ZNF92: variants seen among roughly 807,000 people sequenced by gnomAD.
The protein encoded by ZNF92 is zinc finger protein 92.
Under a neutral mutation model 12.4 loss-of-function variants are expected in ZNF92, and 11 were observed. That is an observed-to-expected ratio of 0.89 (90% CI 0.56 to 1.47). The LOEUF is 1.47. ZNF92 is among the 40% of genes most tolerant of loss of function. The pLI, the probability that ZNF92 is intolerant of heterozygous loss-of-function variation, is 0.00. For missense variants in ZNF92, 622 were observed against 681.0 expected, an observed-to-expected ratio of 0.91 and a Z score of 0.96; for synonymous variants, 206 against 228.6, an observed-to-expected ratio of 0.90 and a Z score of 0.89.
At chr7:65,385,017 A>T (rs1323129483) in intron 1 of ZNF92, among the ~76,000 whole-genome samples, 2 of 152,136 alleles carry the variant, frequency 1.3e-5, no homozygotes, top group African/African-American at 4.8e-5. Flanking sequence ...ATACTTTAGG[A>T]TGAAGATTGG....
In ZNF92 at chr7:65,388,008, A is replaced by G. The variant is rs1298121812; in HGVS notation, c.110A>G (p.Tyr37Cys). Reference protein sequence around the residue: ...NLYRDVMLENYRNLVFLGIAV... With the variant: ...NLYRDVMLENCRNLVFLGIAV... Reference sequence around the variant, plus strand: ...TATAGAGATGTGATGTTAGAGAACTACAGAAACCTGGTCTTCCTTGGTGAG... The same window carrying G: ...TATAGAGATGTGATGTTAGAGAACTGCAGAAACCTGGTCTTCCTTGGTGAG... Residue 37 changes from tyrosine to cysteine, a missense_variant, in exon 2 of 4, where the codon TAC becomes TGC. Transcript: ENST00000328747. The G allele has an allele frequency of 6.8e-6, 11 of 1,607,302 alleles. No individual in the cohort carries two copies. The highest frequency in any genetic ancestry group is 2.7e-5 in the African/African-American group (2 of 74,626).
Position 65,399,268 on chromosome 7 carries a change from C to G in ZNF92, c.1154C>G (p.Thr385Ser). The change falls in exon 4 of 4, where the codon ACT (threonine) becomes AGT (serine). Residue 385 changes from threonine (T) to serine (S), a missense_variant. Coordinates refer to ENST00000328747, the MANE Select transcript of ZNF92 (RefSeq NM_152626.4). ...GCCTTTAACCAGTCCTCAACCCTTA[C>G]TAAACATAAAAGAATTCATACGGGA... is the stretch of plus-strand genomic sequence containing the variant. Reference protein sequence around the residue: ...GKAFNQSSTLTKHKRIHTGEK... With the variant: ...GKAFNQSSTLSKHKRIHTGEK... 3.1e-6 allele frequency: 5 copies of G among 1,610,822 alleles called. No homozygotes were observed. Among genetic ancestry groups the G allele is most frequent in the Middle Eastern group, 3.3e-4 (2 of 6,048 alleles).
At chr7:65,394,275 TG>T (rs1793794245) in intron 3 of ZNF92, among the ~76,000 whole-genome samples, 2 of 152,138 alleles carry the variant, frequency 1.3e-5, no homozygotes, top group African/African-American at 4.8e-5. Flanking sequence ...TAAGTGTTAA[TG>T]TCCAGTTTCA....
rs144227733 is a variant in ZNF92 at position 65,399,823 on chromosome 7, G to T, written c.1709G>T (p.Gly570Val). The T allele has an allele frequency of 6.8e-6, 11 of 1,606,382 alleles. No homozygotes were observed. The highest frequency in any genetic ancestry group is 9.3e-6 in the Non-Finnish European group (11 of 1,176,898). ...TGEKPCKHECGRAFNKSSNYT... is the reference protein window; with the variant it reads ...TGEKPCKHECVRAFNKSSNYT... The stretch of plus-strand genomic sequence containing the variant: ...GAGAAACCCTGCAAACATGAATGTG[G>T]CAGAGCCTTTAACAAATCCTCAAAT... Residue 570 changes from glycine (G) to valine (V), a missense_variant, in exon 4 of 4, where the codon GGC (glycine) becomes GTC (valine). Physicochemically the swap from Gly to Val is moderately radical, Grantham distance 109 (BLOSUM62 -3). Transcript: ENST00000328747.
chr7:65,392,363 A>G (rs1294928408), intron 3 of ZNF92, among the ~76,000 whole-genome samples: 10 of 140,654 alleles, frequency 7.1e-5, no homozygotes, highest in Admixed American at 5.0e-4. Context: ...TTGTAATTCT[A>G]TTTTTTTTTT....
chr7:65,381,154 G>A lies in ZNF92; in HGVS notation c.4-6748G>A, dbSNP rs184826059. ...GCCTCCCAAGTAGCTGGGATTACAGGCACGCCCCACCATGCCTGACTAATT... is the reference window on the plus strand; with the variant it reads ...GCCTCCCAAGTAGCTGGGATTACAGACACGCCCCACCATGCCTGACTAATT... On this transcript the variant is annotated intron_variant, in intron 1 of 3. Transcript: ENST00000328747. Among the ~76,000 whole-genome samples the A allele has an allele frequency of 2.6e-4, 40 of 152,034 alleles. No homozygotes were observed. The East Asian group carries it at 4.8e-3, about 18-fold the overall frequency.
At chr7:65,385,794 T>C (rs1278151472) in intron 1 of ZNF92, among the ~76,000 whole-genome samples, 1 of 151,922 alleles carries the variant, frequency 6.6e-6, no homozygotes, top group African/African-American at 2.4e-5. Context: ...AGGTGTAATT[T>C]CTCCAGAGAA....
At chr7:65,378,126 C>T (rs375888214) in intron 1 of ZNF92, among the ~76,000 whole-genome samples, 9 of 151,604 alleles carry the variant, frequency 5.9e-5, no homozygotes, top group South Asian at 2.1e-4. Flanking sequence ...CTGAGGTGGG[C>T]GGATCTACTA....
At chr7:65,378,101 C>T (rs1266168886) in intron 1 of ZNF92, among the ~76,000 whole-genome samples, 2 of 151,832 alleles carry the variant, frequency 1.3e-5, no homozygotes, top group Admixed American at 6.6e-5. Flanking sequence ...CCTGTAATTC[C>T]AGCACTTTGG....
At chr7:65,393,792 A>G (rs188190309) in intron 3 of ZNF92, among the ~76,000 whole-genome samples, 2 of 152,182 alleles carry the variant, frequency 1.3e-5, no homozygotes, top group East Asian at 1.9e-4. Context: ...CCATGTATAT[A>G]TATCTCTTGA....
intron 3 of ZNF92, among the ~76,000 whole-genome samples, chr7:65,396,388 T>C (rs1326318880): frequency 6.6e-6 from 1 of 152,078 alleles, no homozygotes; most frequent in South Asian, 2.1e-4. Context: ...ATATTATCTT[T>C]GTAATCATCT....
chr7:65,399,710 T>C lies in ZNF92; in HGVS notation c.1596T>C (p.Thr532=), dbSNP rs774891403. The change falls in exon 4 of 4, where the codon ACT becomes ACC. Residue 532 remains threonine, a synonymous_variant. Transcript: ENST00000328747. ...SNLTARKIIY[T]GEKPYKYEEC... ...TTACTGCACGTAAGATAATTTATAC[T>C]GGAGAGAAACCCTACAAATATGAAG... The C allele has an allele frequency of 4.3e-6, 7 of 1,613,170 alleles. No homozygotes were observed. The Admixed American group carries it at 1.2e-4, about 27-fold the overall frequency.
intron 3 of ZNF92, 82 bp from the exon 4 acceptor site, chr7:65,398,259 T>C (rs1793895038): frequency 2.5e-6 from 3 of 1,205,156 alleles, no homozygotes; most frequent in Non-Finnish European, 3.4e-6. Flanking sequence ...TTGTAGTTTG[T>C]ACAATTTTAT....
Position 65,381,195 on chromosome 7 carries a change from G to T in ZNF92, c.4-6707G>T, listed in dbSNP as rs548204487. On this transcript the variant is annotated intron_variant, in intron 1 of 3. Transcript: ENST00000328747. ...CTGACTAATTTTTGTATTTTTTTTA[G>T]TAGAGACGGGGGTTTCACCATATTG... 2.0e-4 allele frequency among the ~76,000 whole-genome samples: 31 copies of T among 151,734 alleles called. No individual in the cohort carries two copies. In the South Asian group the frequency reaches 6.0e-3, roughly 30 times the overall value.
chr7:65,387,949 A>G lies in ZNF92; in HGVS notation c.51A>G (p.Glu17=), dbSNP rs775714990. 15 of 1,607,628 alleles carry G rather than the reference A, an allele frequency of 9.3e-6. No individual in the cohort carries two copies. The highest frequency in any genetic ancestry group is 1.3e-5 in the African/African-American group (1 of 74,680). The change falls in exon 2 of 4, where the codon GAA becomes GAG. Residue 17 remains glutamate (E), a synonymous_variant. Coordinates refer to ENST00000328747, the MANE Select transcript of ZNF92 (RefSeq NM_152626.4). Reference sequence around the variant, plus strand: ...TGAAAATAGAATTCTCTCTAGAGGAATGGCAATGCCTGGACACTGCGCAGC... The same window carrying G: ...TGAAAATAGAATTCTCTCTAGAGGAGTGGCAATGCCTGGACACTGCGCAGC... The part of the protein sequence containing the change: ...RDVKIEFSLE[E]WQCLDTAQRN...
Position 65,373,898 on chromosome 7 carries a change from C to G in ZNF92, c.-100C>G. 1 of 1,544,576 alleles carries G rather than the reference C, an allele frequency of 6.5e-7. No homozygotes were observed. Among genetic ancestry groups the G allele is most frequent in the Non-Finnish European group, 9.0e-7 (1 of 1,117,166 alleles). On this transcript the variant is annotated 5_prime_UTR_variant, in exon 1 of 4. Coordinates refer to ENST00000328747, the MANE Select transcript of ZNF92 (RefSeq NM_152626.4). The stretch of plus-strand genomic sequence containing the variant: ...CGCTCCACGTCTAGTCTTCACTGCT[C>G]TGCGTCCTGTGCTGATAAAGGCTCG...
At chr7:65,394,258 A>C (rs1162865946) in intron 3 of ZNF92, among the ~76,000 whole-genome samples, 1 of 152,110 alleles carries the variant, frequency 6.6e-6, no homozygotes, top group African/African-American at 2.4e-5. Context: ...GAAAGGATCA[A>C]ACTTTATAAG....
intron 1 of ZNF92, among the ~76,000 whole-genome samples, chr7:65,383,363 AC>A (rs1793475755): frequency 6.6e-6 from 1 of 152,120 alleles, no homozygotes; most frequent in Non-Finnish European, 1.5e-5. Context: ...AGCCAGGTTG[AC>A]CCCATCTAGA....
chr7:65,392,466 G>T (rs1331177365), intron 3 of ZNF92, among the ~76,000 whole-genome samples: 2 of 151,146 alleles, frequency 1.3e-5, no homozygotes, highest in Non-Finnish European at 2.9e-5. Flanking sequence ...TTCATTGCCA[G>T]GCATGGTGGT....
Sources: gnomAD v4.1 joint callset for allele counts (sites outside exome capture counted in the v4.1 genomes callset) on GRCh38, gnomAD v4.1.1 for gene constraint, MANE v1.5 for transcripts, NCBI Gene and HGNC (gene_info 2026-07-23, HGNC 2026-07-21) for gene names.